The following VWA2 variants were observed in gnomAD, a reference collection of about 807,000 sequenced individuals.
VWA2 encodes the protein von Willebrand factor A domain containing 2.
In VWA2, 73 loss-of-function variants were observed where a neutral mutation model predicts 70.4. That is an observed-to-expected ratio of 1.04 (90% CI 0.86 to 1.26). The LOEUF (loss-of-function observed/expected upper bound fraction) is 1.26. Ranked by LOEUF, VWA2 falls within the 50% of genes most tolerant of loss-of-function variation. The pLI is 0.00. For synonymous variants in VWA2, 407 were observed against 423.3 expected, an observed-to-expected ratio of 0.96 and a Z score of 0.47; for missense variants, 1,011 against 998.5, an observed-to-expected ratio of 1.01 and a Z score of -0.17.
At chr10:114,286,555 G>T in intron 11 of VWA2, 44 bp downstream of exon 11, 1 of 1,487,408 alleles carries the variant, frequency 6.7e-7, no homozygotes, top group Non-Finnish European at 8.9e-7. Flanking sequence ...TCAGTGGGCG[G>T]GTCCTTCCTC....
At chr10:114,275,363 A>G (rs2037811833) in intron 6 of VWA2, among the ~76,000 whole-genome samples, 1 of 152,200 alleles carries the variant, frequency 6.6e-6, no homozygotes, top group African/African-American at 2.4e-5. Flanking sequence ...AGGCAATACA[A>G]ACTCCTGGAG....
In VWA2 at chr10:114,249,412, C is replaced by T. The variant is rs555647332; in HGVS notation, c.52+647C>T. Reference sequence around the variant, plus strand: ...CTGAGATGAGAGGCACGCACCACCACACCCGGCTAATTTTTGTATTTTTAG... The same window carrying T: ...CTGAGATGAGAGGCACGCACCACCATACCCGGCTAATTTTTGTATTTTTAG... On this transcript the variant is annotated intron_variant, in intron 2 of 13. Transcript: ENST00000392982. 1.2e-3 allele frequency among the ~76,000 whole-genome samples: 180 copies of T among 152,248 alleles called. 2 individuals carry two copies. Among genetic ancestry groups the T allele is most frequent in the Non-Finnish European group, 1.1e-3 (73 of 68,014 alleles).
intron 1 of VWA2, among the ~76,000 whole-genome samples, 162 bp downstream of exon 1, chr10:114,239,731 A>G (rs1476957532): frequency 6.6e-6 from 1 of 152,092 alleles, no homozygotes; most frequent in Non-Finnish European, 1.5e-5. Flanking sequence ...CTTTGTTCGC[A>G]TTGTCTGCGC....
intron 1 of VWA2, among the ~76,000 whole-genome samples, chr10:114,241,318 T>C (rs980259592): frequency 6.6e-6 from 1 of 152,226 alleles, no homozygotes; most frequent in African/African-American, 2.4e-5. Flanking sequence ...TCTGCCATTA[T>C]AGTATCAAAC....
chr10:114,255,001 C>T lies in VWA2; in HGVS notation c.214C>T (p.His72Tyr). ...GAAAGGGAGCTTTGAAAGGTCCAAG[C>T]ACTTTGCCATCACAGTCTGTGACGG... The part of the protein sequence containing the change: ...VGKGSFERSK[H>Y]FAITVCDGLD... Residue 72 changes from histidine (H) to tyrosine (Y), a missense_variant, in exon 4 of 14, where the codon CAC (histidine) becomes TAC (tyrosine). Physicochemically the swap from His to Tyr is moderately conservative, Grantham distance 83. Transcript: ENST00000392982. 6.2e-7 allele frequency: 1 copy of T among 1,613,090 alleles called. No individual in the cohort carries two copies.
chr10:114,246,727 A>C, intron 1 of VWA2: 1 of 1,523,180 alleles, frequency 6.6e-7, no homozygotes, highest in Admixed American at 1.7e-5. Flanking sequence ...GGAATCGTGC[A>C]GGGGGAGAAA....
At chr10:114,257,378 T>G (rs2037353374) in intron 4 of VWA2, among the ~76,000 whole-genome samples, 1 of 152,194 alleles carries the variant, frequency 6.6e-6, no homozygotes, top group Non-Finnish European at 1.5e-5. Context: ...AGCATGAAGA[T>G]TAAACACTGT....
chr10:114,249,137 A>G (rs1464659710), intron 2 of VWA2, among the ~76,000 whole-genome samples: 1 of 152,130 alleles, frequency 6.6e-6, no homozygotes, highest in African/African-American at 2.4e-5. Context: ...TATTGAGCCC[A>G]GCAGGCATTA....
At chr10:114,248,465 G>A (rs573070747) in intron 1 of VWA2, among the ~76,000 whole-genome samples, 64 of 152,282 alleles carry the variant, frequency 4.2e-4, no homozygotes, top group African/African-American at 1.5e-3. Context: ...GTGCATTTGG[G>A]GGTGGATGAG....
intron 6 of VWA2, among the ~76,000 whole-genome samples, chr10:114,273,380 G>A (rs1003106825): frequency 3.9e-5 from 6 of 152,130 alleles, no homozygotes; most frequent in Admixed American, 6.5e-5. Context: ...CCCAGCTCAC[G>A]TCTTCAGAGC....
chr10:114,284,844 A>G lies in VWA2; in HGVS notation c.890-19A>G. ...TCTGTGCTGCGGTGCTTAGCGGTTA[A>G]TGGGCATCTCTCTGATAGGCCCCTG... On this transcript the variant is annotated intron_variant, in intron 9 of 13. Transcript: ENST00000392982. 1.3e-6 allele frequency: 2 copies of G among 1,595,888 alleles called. No homozygotes were observed. Among genetic ancestry groups the G allele is most frequent in the Non-Finnish European group, 1.7e-6 (2 of 1,171,832 alleles).
chr10:114,246,763 C>G (rs3851560), intron 1 of VWA2: 210,073 of 1,352,130 alleles, frequency 0.16, 17,794 homozygotes, highest in Middle Eastern at 0.23. Context: ...TGCTGTATAA[C>G]CTTTCAGGAA....
chr10:114,290,227 T>C lies in VWA2; in HGVS notation c.2123-13T>C. 6.5e-7 allele frequency: 1 copy of C among 1,550,206 alleles called. No homozygotes were observed. The highest frequency in any genetic ancestry group is 1.2e-5 in the South Asian group (1 of 84,026). On this transcript the variant is annotated splice_polypyrimidine_tract_variant and intron_variant, in intron 12 of 13. Coordinates refer to ENST00000392982, the MANE Select transcript of VWA2 (RefSeq NM_001272046.2). ...CCTGGCCGGCCTGGTGGGTATGGTGTTCTCCATTGTAGAAGCCAAGCAGCC... is the reference window on the plus strand; with the variant it reads ...CCTGGCCGGCCTGGTGGGTATGGTGCTCTCCATTGTAGAAGCCAAGCAGCC...
chr10:114,275,448 C>T (rs1016126970), intron 6 of VWA2, among the ~76,000 whole-genome samples: 2 of 152,242 alleles, frequency 1.3e-5, no homozygotes, highest in Non-Finnish European at 2.9e-5. Context: ...GTGCCTTGAG[C>T]ATAGCCATTG....
chr10:114,278,790 C>T lies in VWA2; in HGVS notation c.772C>T (p.Pro258Ser), dbSNP rs1262220706. 1.9e-6 allele frequency: 3 copies of T among 1,613,706 alleles called. No individual in the cohort carries two copies. Among genetic ancestry groups the T allele is most frequent in the Non-Finnish European group, 2.5e-6 (3 of 1,180,050 alleles). Residue 258 changes from proline (P) to serine (S), a missense_variant, in exon 8 of 14, where the codon CCA (proline) becomes TCA (serine). Physicochemically the swap from Pro to Ser is moderately conservative, Grantham distance 74. Coordinates refer to ENST00000392982, the MANE Select transcript of VWA2 (RefSeq NM_001272046.2). ...GGTCCGGGAGTTCGCTGGCAATGCC[C>T]CATGCTGGAGAGGATCGCGGCGGAC... ...EMVREFAGNA[P>S]CWRGSRRTLA... is the part of the protein sequence containing the mutation.
At position 114,278,765 on chromosome 10, in the gene VWA2, G is replaced by A. The variant is rs757483599; in HGVS notation, c.747G>A (p.Met249Ile). The A allele has an allele frequency of 4.3e-6, 7 of 1,613,818 alleles. No individual in the cohort carries two copies. In the Admixed American group the frequency reaches 1.2e-4, roughly 27 times the overall value. ...CCTGTGAGCACAGGACGCTGGAGAT[G>A]GTCCGGGAGTTCGCTGGCAATGCCC... is the stretch of plus-strand genomic sequence containing the variant. Reference protein sequence around the residue: ...AHPCEHRTLEMVREFAGNAPC... With the variant: ...AHPCEHRTLEIVREFAGNAPC... The change falls in exon 8 of 14, where the codon ATG becomes ATA. Residue 249 changes from methionine (M) to isoleucine (I), a missense_variant. Met to Ile is a conservative substitution (Grantham distance 10). Transcript: ENST00000392982.
chr10:114,269,062 C>T (rs1169395078), intron 5 of VWA2, among the ~76,000 whole-genome samples: 1 of 152,186 alleles, frequency 6.6e-6, no homozygotes, highest in Non-Finnish European at 1.5e-5. Context: ...TGGGGAATCT[C>T]ACCTTACCTT....
At chr10:114,271,125 T>C (rs558933753) in intron 5 of VWA2, among the ~76,000 whole-genome samples, 1 of 152,334 alleles carries the variant, frequency 6.6e-6, no homozygotes, top group South Asian at 2.1e-4. Context: ...TCAACTAGAC[T>C]GGGAGTTCTT....
chr10:114,286,040 A>G lies in VWA2; in HGVS notation c.1099A>G (p.Lys367Glu). ...CTTCCTGCGGGCCAAAGTCTTCGTG[A>G]AGCGGTTTGTGCGGGCCGTGCTGAG... ...DGFLRAKVFV[K>E]RFVRAVLSED... Residue 367 changes from lysine (K) to glutamate (E), a missense_variant, in exon 11 of 14, where the codon AAG becomes GAG. Transcript: ENST00000392982. The G allele has an allele frequency of 6.2e-7, 1 of 1,613,878 alleles. No individual in the cohort carries two copies. Among genetic ancestry groups the G allele is most frequent in the East Asian group, 2.2e-5 (1 of 44,878 alleles).
Sources: gnomAD v4.1 joint callset for allele counts (sites outside exome capture counted in the v4.1 genomes callset) on GRCh38, gnomAD v4.1.1 for gene constraint, MANE v1.5 for transcripts, NCBI Gene and HGNC (gene_info 2026-07-23, HGNC 2026-07-21) for gene names.